Variants in DDX60L observed in about 807,000 individuals in gnomAD.
DDX60L encodes DExD/H-box 60 like, also known as probable ATP-dependent RNA helicase DDX60-like.
Under a neutral mutation model 211.6 loss-of-function variants are expected in DDX60L, and 191 were observed. The observed-to-expected ratio is 0.90, with a 90% CI of 0.80 to 1.02. The LOEUF is 1.02. Ranked by LOEUF, DDX60L falls within the 50% of genes least tolerant of loss-of-function variation. The pLI, the probability that DDX60L is intolerant of heterozygous loss-of-function variation, is 0.00. For missense variants in DDX60L, 2,007 were observed against 1,984.1 expected (o/e 1.01, Z -0.22); for synonymous variants, 706 against 694.1 (o/e 1.02, Z -0.27).
At chr4:168,403,589 A>G (rs1359161581) in intron 25 of DDX60L, among the ~76,000 whole-genome samples, 1 of 152,200 alleles carries the variant, frequency 6.6e-6, no homozygotes, top group Non-Finnish European at 1.5e-5. Context: ...TAGTTTTCTT[A>G]GCTATAAATT....
chr4:168,473,989 C>T (rs767585000), intron 1 of DDX60L, among the ~76,000 whole-genome samples: 6 of 152,140 alleles, frequency 3.9e-5, no homozygotes, highest in Non-Finnish European at 5.9e-5. Flanking sequence ...ATTTATTCAA[C>T]AACTATTGAA....
intron 4 of DDX60L, among the ~76,000 whole-genome samples, chr4:168,463,351 G>A (rs183384336): frequency 6.6e-6 from 1 of 152,226 alleles, no homozygotes; most frequent in East Asian, 1.9e-4. Flanking sequence ...TCCAAATACT[G>A]CATGTTGTCA....
chr4:168,406,727 G>T, intron 22 of DDX60L, 21 bp from the exon 23 acceptor site: 1 of 1,431,274 alleles, frequency 7.0e-7, no homozygotes, highest in South Asian at 1.3e-5. Context: ...ACAAATTAAT[G>T]GATGGATGAA....
intron 19 of DDX60L, among the ~76,000 whole-genome samples, chr4:168,418,288 G>A (rs62334142): frequency 0.11 from 16,695 of 152,056 alleles, 1,278 homozygotes; most frequent in Admixed American, 0.15. Flanking sequence ...GGCTGGTCTC[G>A]AACTCCTGAC....
chr4:168,402,827 G>A (rs9284933), intron 25 of DDX60L, among the ~76,000 whole-genome samples: 32,267 of 152,064 alleles, frequency 0.21, 3,552 homozygotes, highest in East Asian at 0.28. Context: ...CTCAACCTAG[G>A]ATTTCTGTAG....
chr4:168,395,738 A>G (rs1027193446), intron 27 of DDX60L: 5 of 424,952 alleles, frequency 1.2e-5, no homozygotes, highest in African/African-American at 1.0e-4. Context: ...AGAGTGAAAT[A>G]AAATAAGAGG....
In DDX60L at chr4:168,373,797, T is replaced by C. The variant is rs779911434; in HGVS notation, c.4645A>G (p.Lys1549Glu). 1.3e-5 allele frequency: 21 copies of C among 1,613,582 alleles called. No homozygotes were observed. In the East Asian group the frequency reaches 4.7e-4, roughly 36 times the overall value. The change falls in exon 35 of 38, where the codon AAA (lysine) becomes GAA (glutamate). Residue 1549 changes from lysine (K) to glutamate (E), a missense_variant. By Grantham distance (56) the Lys-to-Glu change is moderately conservative. Transcript: ENST00000682922. ...ACGAGTTGGGAGTCTTCACATTCTT[T>C]ACCTGTGAATTCTGACCATTTTGGA... ...LPLSRIKFTG[K>E]ECEDSQLVSH... is the part of the protein sequence containing the mutation.
chr4:168,417,160 A>G (rs1198716667), intron 19 of DDX60L, among the ~76,000 whole-genome samples: 1 of 152,096 alleles, frequency 6.6e-6, no homozygotes, highest in African/African-American at 2.4e-5. Flanking sequence ...CCCTAATGGT[A>G]TTATTAAACA....
At chr4:168,386,604 A>C (rs1743927317) in intron 29 of DDX60L, among the ~76,000 whole-genome samples, 1 of 149,852 alleles carries the variant, frequency 6.7e-6, no homozygotes, top group Non-Finnish European at 1.5e-5. Flanking sequence ...AAGATAAGAA[A>C]AGTGAGCGCA....
chr4:168,406,524 C>T, intron 23 of DDX60L, 78 bp downstream of exon 23: 2 of 996,734 alleles, frequency 2.0e-6, no homozygotes, highest in Non-Finnish European at 3.1e-6. Flanking sequence ...AGTGTGCTTA[C>T]CTGTAGAGTA....
intron 33 of DDX60L, 28 bp downstream of exon 33, chr4:168,378,326 A>G (rs1374543787): frequency 8.1e-7 from 1 of 1,240,600 alleles, no homozygotes. Context: ...TATCATTATT[A>G]TATCATTGTA....
At chr4:168,420,427 C>A in intron 17 of DDX60L, 47 bp from the exon 18 acceptor site, 1 of 1,551,598 alleles carries the variant, frequency 6.4e-7, no homozygotes. Flanking sequence ...AGAGAAGAGA[C>A]ATATAAAACC....
At chr4:168,455,878 T>C (rs1756503087) in intron 7 of DDX60L, among the ~76,000 whole-genome samples, 161 bp downstream of exon 7, 1 of 152,166 alleles carries the variant, frequency 6.6e-6, no homozygotes, top group Admixed American at 6.5e-5. Context: ...TTAATACACA[T>C]AAATTGGTGG....
At chr4:168,396,210 C>G in intron 26 of DDX60L, 86 bp from the exon 27 acceptor site, 2 of 787,204 alleles carry the variant, frequency 2.5e-6, no homozygotes, top group Non-Finnish European at 3.8e-6. Context: ...CACAGATTTC[C>G]CTTGGTCATC....
intron 30 of DDX60L, 152 bp from the exon 31 acceptor site, chr4:168,379,982 T>A: frequency 1.9e-6 from 1 of 528,492 alleles, no homozygotes; most frequent in Non-Finnish European, 3.3e-6. Flanking sequence ...ATCTCTTTGA[T>A]TGTATCTTCA....
chr4:168,458,201 T>C (rs758535809), intron 5 of DDX60L, among the ~76,000 whole-genome samples, 193 bp from the exon 6 acceptor site: 4 of 152,172 alleles, frequency 2.6e-5, no homozygotes, highest in Non-Finnish European at 5.9e-5. Context: ...TATACACTGT[T>C]GGTGGGGATG....
chr4:168,408,096 T>C (rs1343004424), intron 22 of DDX60L, among the ~76,000 whole-genome samples: 1 of 152,314 alleles, frequency 6.6e-6, no homozygotes, highest in African/African-American at 2.4e-5. Context: ...TGACCAAATA[T>C]TCTGTCTATA....
At chr4:168,466,169 G>A (rs778094559) in intron 4 of DDX60L, among the ~76,000 whole-genome samples, 1 of 151,774 alleles carries the variant, frequency 6.6e-6, no homozygotes, top group Non-Finnish European at 1.5e-5. Context: ...AAAGAGTAAG[G>A]AAAATCCAAG....
At chr4:168,358,329 A>G in intron 37 of DDX60L, 53 bp from the exon 38 acceptor site, 1 of 1,298,688 alleles carries the variant, frequency 7.7e-7, no homozygotes. Context: ...TTTTTATAAC[A>G]ATCAATATTA....
Sources: gnomAD v4.1 joint callset for allele counts (sites outside exome capture counted in the v4.1 genomes callset) on GRCh38, gnomAD v4.1.1 for gene constraint, MANE v1.5 for transcripts, NCBI Gene and HGNC (gene_info 2026-07-23, HGNC 2026-07-21) for gene names.